The following MACF1 variants were observed in gnomAD, a reference collection of about 807,000 sequenced individuals.
MACF1 encodes microtubule-actin cross-linking factor 1.
Under a neutral mutation model 854.8 loss-of-function variants are expected in MACF1, and 193 were observed. The observed-to-expected ratio is 0.23, with a 90% CI of 0.20 to 0.25. The LOEUF (loss-of-function observed/expected upper bound fraction) is 0.25. Ranked by LOEUF, MACF1 falls within the 10% of genes least tolerant of loss-of-function variation. MACF1 has a pLI of 1.00. For synonymous variants in MACF1, 3,185 were observed against 3,226.7 expected (o/e 0.99, Z 0.44); for missense variants, 7,722 against 8,929.1 (o/e 0.86, Z 5.45).
At position 39,359,213 on chromosome 1, in the gene MACF1, G is replaced by A. The variant is rs1647851245; in HGVS notation, c.12193G>A (p.Glu4065Lys). The stretch of plus-strand genomic sequence containing the variant: ...CCAAAAAGTAGCTCGTGACATAATG[G>A]AAATTGAAGGGGAGCCAGCCCCAGA... ...KLQKVARDIM[E>K]IEGEPAPDHR... The change falls in exon 47 of 101, where the codon GAA becomes AAA. Residue 4065 changes from glutamate (E) to lysine (K), a missense_variant. Glu to Lys is a moderately conservative substitution (Grantham distance 56). Coordinates refer to ENST00000564288, the MANE Select transcript of MACF1 (RefSeq NM_001394062.1). 3 of 1,614,028 alleles carry A rather than the reference G, an allele frequency of 1.9e-6. No homozygotes were observed.
intron 60 of MACF1, among the ~76,000 whole-genome samples, chr1:39,423,492 G>A (rs1013581438): frequency 5.9e-5 from 9 of 151,884 alleles, no homozygotes; most frequent in African/African-American, 2.2e-4. Context: ...AAAATTAGCC[G>A]GGCATGGTGG....
In MACF1 at chr1:39,361,595, A is replaced by G. The variant is rs1648189504; in HGVS notation, c.12689A>G (p.Gln4230Arg). Residue 4230 changes from glutamine (Q) to arginine (R), a missense_variant, in exon 49 of 101, where the codon CAG becomes CGG. By Grantham distance (43) the Gln-to-Arg change is conservative (BLOSUM62 1). Coordinates refer to ENST00000564288, the MANE Select transcript of MACF1 (RefSeq NM_001394062.1). ...GAACACCTCTCTGGTAAGCTGCAGC[A>G]GTTCATGGAAAACAAAAGTCGGATG... Reference protein sequence around the residue: ...MFEHLSGKLQQFMENKSRMLA... With the variant: ...MFEHLSGKLQRFMENKSRMLA... The G allele has an allele frequency of 6.2e-7, 1 of 1,614,116 alleles. No homozygotes were observed. The highest frequency in any genetic ancestry group is 1.3e-5 in the African/African-American group (1 of 74,938).
In MACF1 at chr1:39,459,209, G is replaced by A. The variant is rs570585623; in HGVS notation, c.21320G>A (p.Arg7107Gln). Reference sequence around the variant, plus strand: ...CAGGTGTGGCTGTTAGCACTGGAGCGGCAAAGGAAACTGAATGATGCCTTG... The same window carrying A: ...CAGGTGTGGCTGTTAGCACTGGAGCAGCAAAGGAAACTGAATGATGCCTTG... ...WQQVWLLALE[R>Q]QRKLNDALDR... The change falls in exon 91 of 101, where the codon CGG (arginine) becomes CAG (glutamine). Residue 7107 changes from arginine to glutamine, a missense_variant. Physicochemically the swap from Arg to Gln is conservative, Grantham distance 43 (BLOSUM62 1). This residue lies in a region of MACF1 where 729 missense variants were observed against 900.5 expected (regional missense o/e 0.81). Transcript: ENST00000564288. 2.0e-5 allele frequency: 33 copies of A among 1,613,724 alleles called. No individual in the cohort carries two copies. Among genetic ancestry groups the A allele is most frequent in the East Asian group, 6.7e-5 (3 of 44,868 alleles).
At chr1:39,368,352 A>G in intron 50 of MACF1, 38 bp downstream of exon 50, 1 of 1,573,816 alleles carries the variant, frequency 6.4e-7, no homozygotes, top group South Asian at 1.1e-5. Flanking sequence ...TTGGGGAACT[A>G]TTTTTTCTTG....
chr1:39,256,345 C>A (rs1645095845), intron 5 of MACF1, among the ~76,000 whole-genome samples: 2 of 152,048 alleles, frequency 1.3e-5, no homozygotes, highest in Admixed American at 1.3e-4. Flanking sequence ...AAATTGAATT[C>A]TCGGGGAGGG....
At chr1:39,323,970 A>G (rs979852669) in intron 33 of MACF1, among the ~76,000 whole-genome samples, 5 of 152,158 alleles carry the variant, frequency 3.3e-5, no homozygotes, top group African/African-American at 4.8e-5. Flanking sequence ...AGTGGTTTGT[A>G]TTTTTCAGAA....
chr1:39,091,786 C>T (rs1341558401), intron 2 of MACF1, among the ~76,000 whole-genome samples: 1 of 152,142 alleles, frequency 6.6e-6, no homozygotes, highest in African/African-American at 2.4e-5. Context: ...AGCCACTGCA[C>T]CCGGCTGCCC....
chr1:39,124,524 A>G (rs77744736), intron 2 of MACF1, among the ~76,000 whole-genome samples: 2,836 of 152,288 alleles, frequency 0.019, 93 homozygotes, highest in African/African-American at 0.065. Context: ...ATACTCAATA[A>G]GTGTTATTAC....
intron 2 of MACF1, among the ~76,000 whole-genome samples, chr1:39,133,607 T>C (rs1179512312): frequency 6.6e-6 from 1 of 152,178 alleles, no homozygotes; most frequent in Non-Finnish European, 1.5e-5. Context: ...AATTGATATA[T>C]AAAAATTGTA....
intron 97 of MACF1, among the ~76,000 whole-genome samples, chr1:39,471,461 G>A (rs1644775677): frequency 6.6e-6 from 1 of 152,194 alleles, no homozygotes; most frequent in African/African-American, 2.4e-5. Flanking sequence ...CTTAACACCA[G>A]TGTGCACTAT....
chr1:39,393,196 A>AAAAAAAAAAAT (rs57576149), intron 58 of MACF1, among the ~76,000 whole-genome samples: 20 of 66,566 alleles, frequency 3.0e-4, no homozygotes, highest in African/African-American at 1.6e-3. Context: ...AAAAAAAAAA[A>AAAAAAAAAAAT]ATATATATAT....
intron 2 of MACF1, among the ~76,000 whole-genome samples, chr1:39,173,828 T>G (rs1356233559): frequency 6.6e-6 from 1 of 152,180 alleles, no homozygotes; most frequent in Non-Finnish European, 1.5e-5. Context: ...CAAAGAATCT[T>G]TGGTTAGGGT....
chr1:39,441,110 G>A lies in MACF1; in HGVS notation c.18555G>A (p.Arg6185=). The change falls in exon 73 of 101, where the codon AGG becomes AGA. Residue 6185 remains arginine, a synonymous_variant. Coordinates refer to ENST00000564288, the MANE Select transcript of MACF1 (RefSeq NM_001394062.1). ...GAGAAACTGAGAAGCCTGAAGTGAGGAAGAGCATTGATGAGGTGTGGAGAA... is the reference window on the plus strand; with the variant it reads ...GAGAAACTGAGAAGCCTGAAGTGAGAAAGAGCATTGATGAGGTGTGGAGAA... ...ACGETEKPEV[R]KSIDEMNNAW... is the part of the protein sequence containing the mutation. The A allele has an allele frequency of 6.2e-7, 1 of 1,614,212 alleles. No individual in the cohort carries two copies. The highest frequency in any genetic ancestry group is 8.5e-7 in the Non-Finnish European group (1 of 1,180,032).
At chr1:39,300,389 G>C in intron 22 of MACF1, 27 bp downstream of exon 22, 2 of 1,594,942 alleles carry the variant, frequency 1.3e-6, no homozygotes, top group Non-Finnish European at 1.7e-6. Context: ...GGTACCTCTG[G>C]GCCACAGGGG....
At chr1:39,209,458 G>GT (rs1326979689) in intron 1 of MACF1, among the ~76,000 whole-genome samples, 2 of 152,038 alleles carry the variant, frequency 1.3e-5, no homozygotes, top group Non-Finnish European at 2.9e-5. Flanking sequence ...GAGCTTTATG[G>GT]TTTTTTTCCT....
At chr1:39,356,392 A>C (rs1430864706) in intron 44 of MACF1, among the ~76,000 whole-genome samples, 1 of 139,874 alleles carries the variant, frequency 7.1e-6, no homozygotes, top group East Asian at 2.0e-4. Context: ...TTTTTTTTTG[A>C]GATGGAGTCT....
intron 2 of MACF1, among the ~76,000 whole-genome samples, chr1:39,194,317 ATTTCTTTTCTTTTCT>A (rs138791842): frequency 2.2e-4 from 23 of 105,466 alleles, no homozygotes; most frequent in African/African-American, 4.8e-4. Flanking sequence ...CAGAAGTGGA[ATTTCTTTTCTTTTCT>A]TTTCTTTTCT....
At chr1:39,147,157 A>G (rs1469366462) in intron 2 of MACF1, among the ~76,000 whole-genome samples, 1 of 106,084 alleles carries the variant, frequency 9.4e-6, no homozygotes, top group African/African-American at 3.7e-5. Flanking sequence ...CCTTTTTCCC[A>G]TTCCCCTTTC....
chr1:39,175,826 A>G (rs948437029), intron 2 of MACF1, among the ~76,000 whole-genome samples: 5 of 150,970 alleles, frequency 3.3e-5, no homozygotes, highest in Admixed American at 1.3e-4. Context: ...GGCCAGGTGC[A>G]GTGGCTCACG....
Sources: gnomAD v4.1 joint callset for allele counts (sites outside exome capture counted in the v4.1 genomes callset) on GRCh38, gnomAD v4.1.1 for gene constraint, gnomAD v4.1.1 regional missense constraint, MANE v1.5 for transcripts, NCBI Gene and HGNC (gene_info 2026-07-23, HGNC 2026-07-21) for gene names.